The following ZNF827 variants were observed in gnomAD, a reference collection of about 807,000 sequenced individuals.
ZNF827 encodes the protein zinc finger protein 827.
ZNF827 carries 13 observed loss-of-function variants against 102.4 expected under a neutral mutation model. The ratio of observed to expected loss-of-function variants is 0.13; its 90% CI spans 0.08 to 0.20. The LOEUF is 0.20. Ranked by LOEUF, ZNF827 falls within the 10% of genes least tolerant of loss-of-function variation. The pLI is 1.00. For missense variants in ZNF827, 1,103 were observed against 1,344.4 expected (o/e 0.82, Z 2.81); for synonymous variants, 523 against 536.2 (o/e 0.98, Z 0.34).
intron 13 of ZNF827, 177 bp downstream of exon 13, chr4:145,764,811 G>T: frequency 1.3e-6 from 1 of 780,750 alleles, no homozygotes; most frequent in Non-Finnish European, 2.1e-6. Context: ...TGACACCCTA[G>T]GGGGACAGGT....
chr4:145,884,752 A>C (rs886672112), intron 4 of ZNF827, among the ~76,000 whole-genome samples: 1 of 152,222 alleles, frequency 6.6e-6, no homozygotes, highest in African/African-American at 2.4e-5. Flanking sequence ...CATCATGTAC[A>C]ATTTGATGGT....
intron 1 of ZNF827, among the ~76,000 whole-genome samples, chr4:145,913,721 A>G (rs916387784): frequency 6.6e-5 from 10 of 152,212 alleles, no homozygotes; most frequent in African/African-American, 2.4e-4. Flanking sequence ...AGCAATCAGA[A>G]GTAAATTTAC....
rs1274177064 is a variant in ZNF827 at position 145,758,261 on chromosome 4, C to CAAG, written c.*3352_*3354dup. The CAAG allele has an allele frequency of 6.6e-6, 1 of 152,146 alleles. No individual in the cohort carries two copies. Among genetic ancestry groups the CAAG allele is most frequent in the African/African-American group, 2.4e-5 (1 of 41,434 alleles). The allele number at this position is 152,146 out of a possible 1,614,324, so 9.4% of individuals were successfully genotyped here. The stretch of plus-strand genomic sequence containing the variant: ...TAAGCATTACTAAGTCATTCAAATA[C>CAAG]AAGTTCAGTGGCAAGCAGTGAAATG... On this transcript the variant is annotated 3_prime_UTR_variant, in exon 15 of 15. Coordinates refer to ENST00000508784, the MANE Select transcript of ZNF827 (RefSeq NM_001306215.2).
chr4:145,872,762 C>T (rs1182857243), intron 4 of ZNF827, among the ~76,000 whole-genome samples: 1 of 151,416 alleles, frequency 6.6e-6, no homozygotes, highest in Non-Finnish European at 1.5e-5. Context: ...GTAATCCCAG[C>T]TACTCGGGAG....
At chr4:145,877,377 G>A (rs1421633131) in intron 4 of ZNF827, among the ~76,000 whole-genome samples, 4 of 152,090 alleles carry the variant, frequency 2.6e-5, no homozygotes, top group Admixed American at 6.6e-5. Context: ...TTCTGAAATC[G>A]TAAGAAAAGC....
chr4:145,762,906 G>A lies in ZNF827; in HGVS notation c.*17+184C>T, dbSNP rs925769178. Among the ~76,000 whole-genome samples the A allele has an allele frequency of 3.3e-5, 5 of 152,172 alleles. No homozygotes were observed. Among genetic ancestry groups the A allele is most frequent in the African/African-American group, 1.2e-4 (5 of 41,442 alleles). ...CAGGGCTCAGGAGTGGACTGTCCTC[G>A]GAGGGTCTGGAGAGGTGTTCAGCAG... On this transcript the variant is annotated intron_variant, in intron 14 of 14. Transcript: ENST00000508784. The surrounding 1 kb of genome is among the most constrained non-coding windows in gnomAD (Gnocchi z 4.9).
rs1452359676 is a variant in ZNF827, at chr4:145,761,643, G to A, written c.*18-45C>T. 16 of 1,155,966 alleles carry A rather than the reference G, an allele frequency of 1.4e-5. No individual in the cohort carries two copies. In the Admixed American group the frequency reaches 1.6e-4, roughly 11 times the overall value. 71.6% of individuals were successfully genotyped at this position (1,155,966 alleles called of 1,614,324 possible). The stretch of plus-strand genomic sequence containing the variant: ...AAGGGAGGTTCAGCCGGGAAGGTTC[G>A]GAGGCAGCCGCGCTTCTCGCCGCCT... On this transcript the variant is annotated intron_variant, in intron 14 of 14. Coordinates refer to ENST00000508784, the MANE Select transcript of ZNF827 (RefSeq NM_001306215.2). This position sits in a 1 kb window ranked among gnomAD's most constrained non-coding sequence, Gnocchi z 6.8.
intron 4 of ZNF827, among the ~76,000 whole-genome samples, chr4:145,879,950 C>A (rs1371917466): frequency 6.6e-6 from 1 of 152,158 alleles, no homozygotes; most frequent in African/African-American, 2.4e-5. Flanking sequence ...CCCAGTCTCT[C>A]ATGCCTGTGA....
chr4:145,770,324 AAATAAATAAATAAATAAATAAAT>A (rs1736064721), intron 11 of ZNF827, among the ~76,000 whole-genome samples: 6 of 145,406 alleles, frequency 4.1e-5, no homozygotes, highest in Non-Finnish European at 9.0e-5. Context: ...ATAAATAAAT[AAATAAATAAATAAATAAATAAAT>A]AAAATAGATC....
chr4:145,899,952 A>G (rs372714011), intron 2 of ZNF827, among the ~76,000 whole-genome samples: 19 of 152,350 alleles, frequency 1.2e-4, no homozygotes, highest in East Asian at 1.2e-3. Flanking sequence ...GCAAAGTAAG[A>G]AACGATTTCT....
chr4:145,885,934 T>C lies in ZNF827; in HGVS notation c.1491A>G (p.Leu497=). ...TGTTAGACGTCATCATGGTCCCCAC[T>C]AGCTCTGTCCCTCCTCCTTCCCTTT... ...GQQREGGGTE[L]VGTMMTSNTP... Residue 497 remains leucine, a synonymous_variant, in exon 4 of 15, where the codon CTA becomes CTG. Coordinates refer to ENST00000508784, the MANE Select transcript of ZNF827 (RefSeq NM_001306215.2). 1.2e-6 allele frequency: 2 copies of C among 1,614,184 alleles called. No individual in the cohort carries two copies. Among genetic ancestry groups the C allele is most frequent in the Non-Finnish European group, 8.5e-7 (1 of 1,180,016 alleles).
At chr4:145,887,876 C>T (rs140962348) in intron 3 of ZNF827, among the ~76,000 whole-genome samples, 139 of 152,292 alleles carry the variant, frequency 9.1e-4, no homozygotes, top group African/African-American at 3.0e-3. Flanking sequence ...AGAGAGCTTC[C>T]ATTGTCCCTG....
Position 145,765,680 on chromosome 4 carries a change from A to G in ZNF827, c.2919T>C (p.Ala973=). ...CTTTGCTGTTGGCTGAATCACTCAG[A>G]GCTGAGAGGGAGGATGAAGAGGGGC... The part of the protein sequence containing the change: ...SNSPSSSSLS[A]LSDSANSKDD... Residue 973 remains alanine (A), a synonymous_variant, in exon 12 of 15, where the codon GCT becomes GCC. Transcript: ENST00000508784. This position sits in a 1 kb window ranked among gnomAD's most constrained non-coding sequence, Gnocchi z 4.7. The G allele has an allele frequency of 1.2e-6, 2 of 1,614,134 alleles. No homozygotes were observed. The highest frequency in any genetic ancestry group is 1.7e-6 in the Non-Finnish European group (2 of 1,180,032).
intron 7 of ZNF827, among the ~76,000 whole-genome samples, chr4:145,825,776 G>C (rs1743618620): frequency 6.6e-6 from 1 of 152,178 alleles, no homozygotes; most frequent in Non-Finnish European, 1.5e-5. Flanking sequence ...TTATCACTGA[G>C]CTGCTCAGAA....
intron 4 of ZNF827, among the ~76,000 whole-genome samples, chr4:145,878,824 A>G (rs1749417493): frequency 6.6e-6 from 1 of 151,906 alleles, no homozygotes; most frequent in Admixed American, 6.6e-5. Context: ...GCATGATCTG[A>G]TGCAAGAGGT....
chr4:145,795,703 CAA>C (rs1017099850), intron 8 of ZNF827, among the ~76,000 whole-genome samples: 1 of 152,160 alleles, frequency 6.6e-6, no homozygotes, highest in Non-Finnish European at 1.5e-5. Context: ...TTGCCCTAAA[CAA>C]GAGAACATGT....
At chr4:145,838,115 C>T (rs921542126) in intron 7 of ZNF827, among the ~76,000 whole-genome samples, 8 of 152,310 alleles carry the variant, frequency 5.3e-5, no homozygotes, top group African/African-American at 9.6e-5. Flanking sequence ...CGTATATGCC[C>T]AGATGGCCTG....
intron 5 of ZNF827, among the ~76,000 whole-genome samples, chr4:145,855,121 A>G (rs184177145): frequency 1.2e-4 from 18 of 152,326 alleles, no homozygotes; most frequent in Admixed American, 1.1e-3. Context: ...ACAGATTACA[A>G]CAAAATATGA....
At chr4:145,863,352 T>C (rs1747900251) in intron 5 of ZNF827, among the ~76,000 whole-genome samples, 1 of 152,238 alleles carries the variant, frequency 6.6e-6, no homozygotes, top group South Asian at 2.1e-4. Flanking sequence ...TTCCTTAAAA[T>C]GTTAAACACA....
Sources: gnomAD v4.1 joint callset for allele counts (sites outside exome capture counted in the v4.1 genomes callset) on GRCh38, gnomAD v4.1.1 for gene constraint, Gnocchi (gnomAD v3.1) non-coding constraint, MANE v1.5 for transcripts, NCBI Gene and HGNC (gene_info 2026-07-23, HGNC 2026-07-21) for gene names.